The following SLC2A7 variants were observed in gnomAD, a reference collection of about 807,000 sequenced individuals.
SLC2A7 encodes solute carrier family 2, facilitated glucose transporter member 7.
In SLC2A7, 50 loss-of-function variants were observed where a neutral mutation model predicts 50.5. The observed-to-expected ratio is 0.99, with a 90% CI of 0.79 to 1.25. The LOEUF (loss-of-function observed/expected upper bound fraction) is 1.25, where lower values mean the gene tolerates loss of function less well. Among genes scored for constraint, SLC2A7 ranks in the 50% most tolerant of loss-of-function variants. The pLI is 0.00. For missense variants in SLC2A7, 683 were observed against 679.1 expected (o/e 1.01, Z -0.06); for synonymous variants, 308 against 300.4 (o/e 1.03, Z -0.26).
intron 4 of SLC2A7, among the ~76,000 whole-genome samples, 162 bp from the exon 5 acceptor site, chr1:9,018,537 A>G (rs543939458): frequency 4.2e-4 from 64 of 152,330 alleles, no homozygotes; most frequent in African/African-American, 1.5e-3. Context: ...ACTTACACCA[A>G]AATCCCTCCA....
intron 9 of SLC2A7, among the ~76,000 whole-genome samples, chr1:9,009,040 C>G (rs150936025): frequency 0.012 from 1,844 of 152,336 alleles, 15 homozygotes; most frequent in Middle Eastern, 0.031. Context: ...CCTGAATCCC[C>G]CAGCTCTTTC....
At chr1:9,023,678 G>A (rs887326848) in intron 2 of SLC2A7, among the ~76,000 whole-genome samples, 7 of 151,848 alleles carry the variant, frequency 4.6e-5, no homozygotes, top group South Asian at 2.1e-4. Context: ...AGGCCGAGGC[G>A]GGAGGATTGC....
chr1:9,019,343 C>G lies in SLC2A7; in HGVS notation c.312-10G>C, dbSNP rs754310910. On this transcript the variant is annotated splice_polypyrimidine_tract_variant and intron_variant, in intron 3 of 11. Coordinates refer to ENST00000400906, the MANE Select transcript of SLC2A7 (RefSeq NM_207420.3). Reference sequence around the variant, plus strand: ...CAGCAGGGTCCCCTTTCTGCAAAGACAGTGAGCCCAGAGGGCAGGGGTGCG... The same window carrying G: ...CAGCAGGGTCCCCTTTCTGCAAAGAGAGTGAGCCCAGAGGGCAGGGGTGCG... The G allele has an allele frequency of 1.1e-5, 18 of 1,613,456 alleles. No homozygotes were observed. The highest frequency in any genetic ancestry group is 1.5e-5 in the Non-Finnish European group (18 of 1,179,694).
At position 9,013,552 on chromosome 1, in the gene SLC2A7, G is replaced by A. The variant is rs760008642; in HGVS notation, c.987C>T (p.Val329=). The change falls in exon 8 of 12, where the codon GTC becomes GTT. Residue 329 remains valine, a synonymous_variant. Transcript: ENST00000400906. ...AGGTGATGGTCATCACTATGTTGAC[G>A]ACGCCAGAGCCCACCGTTACATATT... ...HSQYVTVGSG[V]VNIVMTITSA... is the part of the protein sequence containing the mutation. The A allele has an allele frequency of 9.9e-6, 16 of 1,613,786 alleles. No individual in the cohort carries two copies. Among genetic ancestry groups the A allele is most frequent in the South Asian group, 4.4e-5 (4 of 91,044 alleles).
rs772400525 is a variant in SLC2A7, at chr1:9,013,596, C to A, written c.943G>T (p.Val315Leu). 1 of 1,614,030 alleles carries A rather than the reference C, an allele frequency of 6.2e-7. No individual in the cohort carries two copies. The highest frequency in any genetic ancestry group is 8.5e-7 in the Non-Finnish European group (1 of 1,180,016). The change falls in exon 8 of 12, where the codon GTG becomes TTG. Residue 315 changes from valine to leucine, a missense_variant. Coordinates refer to ENST00000400906, the MANE Select transcript of SLC2A7 (RefSeq NM_207420.3). The stretch of plus-strand genomic sequence containing the variant: ...ACATATTGGGAGTGAGCGGCCTCCA[C>A]GCCCGCAGATGTGTAGATGGTGTCC... Reference protein sequence around the residue: ...YADTIYTSAGVEAAHSQYVTV... With the variant: ...YADTIYTSAGLEAAHSQYVTV...
downstream of SLC2A7, among the ~76,000 whole-genome samples, chr1:8,998,277 C>T (rs759469073): frequency 6.6e-5 from 10 of 152,014 alleles, no homozygotes; most frequent in Non-Finnish European, 1.0e-4. Flanking sequence ...TGGTGGCGGG[C>T]GCCTGCAATC....
downstream of SLC2A7, among the ~76,000 whole-genome samples, chr1:9,001,161 C>T (rs1481690000): frequency 6.6e-6 from 1 of 152,072 alleles, no homozygotes; most frequent in African/African-American, 2.4e-5. Flanking sequence ...GGTGAGAGGA[C>T]CTCCCGCTGG....
intron 2 of SLC2A7, 77 bp from the exon 3 acceptor site, chr1:9,023,155 C>T: frequency 6.7e-7 from 1 of 1,498,718 alleles, no homozygotes; most frequent in Non-Finnish European, 9.1e-7. Context: ...TCAGTGGCCA[C>T]TTGTCATTGT....
Position 9,024,982 on chromosome 1 carries a change from C to CCCACCTTGTGCCCACCTTGT in SLC2A7, c.143_144insACAAGGTGGGCACAAGGTGG (p.His49GlnfsTer68). 2 of 1,613,970 alleles carry CCCACCTTGTGCCCACCTTGT rather than the reference C, an allele frequency of 1.2e-6. No homozygotes were observed. The highest frequency in any genetic ancestry group is 1.3e-5 in the African/African-American group (1 of 75,058). ...GTGCCCACCTTGTGCCCACCTTGTG[C>CCCACCTTGTGCCCACCTTGT]GGCGTGTTGACCACAGAGAGGTTGT... On this transcript the variant is annotated frameshift_variant, in exon 2 of 12. Coordinates refer to ENST00000400906, the MANE Select transcript of SLC2A7 (RefSeq NM_207420.3). LOFTEE classifies it high-confidence loss of function.
At chr1:9,021,517 C>G (rs1640912630) in intron 3 of SLC2A7, among the ~76,000 whole-genome samples, 1 of 152,136 alleles carries the variant, frequency 6.6e-6, no homozygotes, top group East Asian at 1.9e-4. Flanking sequence ...GTTCTGGTGC[C>G]AAGAGCAGGG....
At chr1:9,023,976 C>T (rs2124268755) in intron 2 of SLC2A7, among the ~76,000 whole-genome samples, 1 of 150,328 alleles carries the variant, frequency 6.7e-6, no homozygotes, top group African/African-American at 2.4e-5. Context: ...CTGTCTCAGC[C>T]TCCCGAGTAG....
intron 3 of SLC2A7, among the ~76,000 whole-genome samples, chr1:9,019,586 T>C (rs1305454616): frequency 2.0e-5 from 3 of 152,026 alleles, no homozygotes; most frequent in Non-Finnish European, 2.9e-5. Context: ...CACGATGGGA[T>C]AGGAAGAGAC....
At chr1:9,002,243 AG>A (rs769173802), downstream of SLC2A7, among the ~76,000 whole-genome samples, 14 of 152,106 alleles carry the variant, frequency 9.2e-5, no homozygotes, top group Non-Finnish European at 2.1e-4. Flanking sequence ...ACACCCGTAA[AG>A]GGTCTGTGCC....
chr1:9,013,673 G>A, intron 7 of SLC2A7, 38 bp from the exon 8 acceptor site: 1 of 1,563,856 alleles, frequency 6.4e-7, no homozygotes, highest in Non-Finnish European at 8.8e-7. Flanking sequence ...CAGGCCGGAA[G>A]ACCCAGGACG....
In SLC2A7 at chr1:9,008,630, G is replaced by A. The variant is rs1247952040; in HGVS notation, c.1117-1245C>T. ...TTTTTTTTTTTTTAGACAGAATCTC[G>A]CTCTGTCACCCAGGCTGGAGCAGTG... On this transcript the variant is annotated intron_variant, in intron 9 of 11. Transcript: ENST00000400906. The surrounding 1 kb of genome is among the most constrained non-coding windows in gnomAD (Gnocchi z 5.9). Among the ~76,000 whole-genome samples the A allele has an allele frequency of 2.0e-4, 29 of 142,730 alleles. No homozygotes were observed. Among genetic ancestry groups the A allele is most frequent in the South Asian group, 1.1e-3 (5 of 4,560 alleles). The allele number at this position is 142,730 out of a possible 152,430, so 93.6% of individuals were successfully genotyped here.
chr1:9,025,594 G>T (rs1378100392), intron 1 of SLC2A7, among the ~76,000 whole-genome samples: 1 of 152,228 alleles, frequency 6.6e-6, no homozygotes, highest in African/African-American at 2.4e-5. Context: ...CAGAATGGAT[G>T]AGAGGGAGCA....
Position 9,008,686 on chromosome 1 carries a change from T to C in SLC2A7, c.1117-1301A>G, listed in dbSNP as rs530471538. On this transcript the variant is annotated intron_variant, in intron 9 of 11. Coordinates refer to ENST00000400906, the MANE Select transcript of SLC2A7 (RefSeq NM_207420.3). The surrounding 1 kb of genome is among the most constrained non-coding windows in gnomAD (Gnocchi z 5.9). ...ATCTTGGCTCACTGCAACCTCTGCC[T>C]CCTGAGTTCAAGTGATTCTCCTGCC... Among the ~76,000 whole-genome samples, 6 of 151,190 alleles carry C rather than the reference T, an allele frequency of 4.0e-5. No individual in the cohort carries two copies. The highest frequency in any genetic ancestry group is 1.5e-4 in the African/African-American group (6 of 41,202).
At chr1:9,007,573 C>T (rs1239309735) in intron 9 of SLC2A7, among the ~76,000 whole-genome samples, 188 bp from the exon 10 acceptor site, 1 of 152,202 alleles carries the variant, frequency 6.6e-6, no homozygotes, top group Non-Finnish European at 1.5e-5. Context: ...TAGCCTCCCA[C>T]AGGGCTCCCT....
downstream of SLC2A7, among the ~76,000 whole-genome samples, chr1:8,998,560 T>G (rs988573662): frequency 6.6e-6 from 1 of 152,204 alleles, no homozygotes; most frequent in East Asian, 1.9e-4. Context: ...GAGGTCAAGT[T>G]AATATTATTC....
Sources: gnomAD v4.1 joint callset for allele counts (sites outside exome capture counted in the v4.1 genomes callset) on GRCh38, gnomAD v4.1.1 for gene constraint, Gnocchi (gnomAD v3.1) non-coding constraint, MANE v1.5 for transcripts, NCBI Gene and HGNC (gene_info 2026-07-23, HGNC 2026-07-21) for gene names.